The following CLIP3 variants were observed in gnomAD, a reference collection of about 807,000 sequenced individuals.
The protein encoded by CLIP3 is CAP-Gly domain-containing linker protein 3.
A neutral mutation model predicts 59.4 loss-of-function variants in CLIP3; 15 were observed. The ratio of observed to expected loss-of-function variants is 0.25; its 90% CI spans 0.17 to 0.39. CLIP3 has a LOEUF of 0.39. Among genes scored for constraint, CLIP3 ranks in the 10% least tolerant of loss-of-function variants. CLIP3 has a pLI of 1.00. For missense variants in CLIP3, 495 were observed against 765.7 expected (o/e 0.65, Z 4.17); for synonymous variants, 300 against 321.6 (o/e 0.93, Z 0.72).
Position 36,017,355 on chromosome 19 carries a change from A to T in CLIP3, c.1516+31T>A, listed in dbSNP as rs754482408. ...CCCTTCCTCCCATCCCCAAACGTAC[A>T]CTCCTCCCAACATATCATCCCCTAA... On this transcript the variant is annotated intron_variant, in intron 12 of 13. Transcript: ENST00000360535. 44 of 1,606,758 alleles carry T rather than the reference A, an allele frequency of 2.7e-5. 1 individual carries two copies. The highest frequency in any genetic ancestry group is 3.3e-4 in the Middle Eastern group (2 of 6,066).
chr19:36,027,862 CCT>C (rs1021854896), intron 2 of CLIP3, among the ~76,000 whole-genome samples: 1 of 151,406 alleles, frequency 6.6e-6, no homozygotes, highest in African/African-American at 2.4e-5. Flanking sequence ...TAGCAAGACC[CCT>C]GTCTTTACAA....
intron 7 of CLIP3, among the ~76,000 whole-genome samples, chr19:36,019,630 G>A (rs1434503819): frequency 1.7e-4 from 25 of 146,284 alleles, no homozygotes; most frequent in Middle Eastern, 3.6e-3. Flanking sequence ...TCGAGACAGC[G>A]TCTCACTCTG....
rs1969251111 is a variant in CLIP3 at position 36,031,024 on chromosome 19, T to TTTTTTTTTTTTTTTTTTTTTTTTTTTC, written c.166+1167_166+1168insGAAAAAAAAAAAAAAAAAAAAAAAAAA. Among the ~76,000 whole-genome samples the TTTTTTTTTTTTTTTTTTTTTTTTTTTC allele has an allele frequency of 9.5e-5, 7 of 73,574 alleles. No homozygotes were observed. The East Asian group carries it at 1.1e-3, about 12-fold the overall frequency. 48.3% of individuals were successfully genotyped at this position (73,574 alleles called of 152,430 possible). A position where few individuals can be genotyped will look rare whatever the true frequency, so the allele number is the denominator to read the frequency against. ...TTTTCTTTTCTTTTTTTTTTTTTTC[T>TTTTTTTTTTTTTTTTTTTTTTTTTTTC]TTTTTTTTTTTTTTTTTGAGACAGT... On this transcript the variant is annotated intron_variant, in intron 2 of 13. Transcript: ENST00000360535.
chr19:36,025,539 C>T (rs1462746526), intron 6 of CLIP3, among the ~76,000 whole-genome samples: 2 of 148,470 alleles, frequency 1.3e-5, no homozygotes, highest in African/African-American at 2.5e-5. Flanking sequence ...TGCAGTGAGC[C>T]GAGATTGCAC....
rs1420495184 is a variant in CLIP3, at chr19:36,017,452, T to C, written c.1452-2A>G. ...GGGGAATCAGTGGATCCGCCAATCC[T>C]GAGGAGACACGGGGAGGGGGAGAAG... On this transcript the variant is annotated splice_acceptor_variant, in intron 11 of 13. Transcript: ENST00000360535. LOFTEE classifies it high-confidence loss of function. 1 of 1,614,022 alleles carries C rather than the reference T, an allele frequency of 6.2e-7. No individual in the cohort carries two copies. The highest frequency in any genetic ancestry group is 1.7e-5 in the Admixed American group (1 of 60,008).
In CLIP3 at chr19:36,016,979, A is replaced by C; in HGVS notation, c.1517T>G (p.Met506Arg). The C allele has an allele frequency of 6.2e-7, 1 of 1,613,908 alleles. No individual in the cohort carries two copies. The highest frequency in any genetic ancestry group is 8.5e-7 in the Non-Finnish European group (1 of 1,179,906). ...GGTGAAGGTGCGTTTGGGCTGCGTCACTGAAGAGGAGGGCAGGATGTCAAG... is the reference window on the plus strand; with the variant it reads ...GGTGAAGGTGCGTTTGGGCTGCGTCCCTGAAGAGGAGGGCAGGATGTCAAG... ...VGAKKVHQVT[M>R]TQPKRTFTTV... The change falls in exon 13 of 14, where the codon ATG becomes AGG. Residue 506 changes from methionine to arginine, a missense_variant and splice_region_variant. By Grantham distance (91) the Met-to-Arg change is moderately conservative (BLOSUM62 -1). Transcript: ENST00000360535. This position sits in a 1 kb window ranked among gnomAD's most constrained non-coding sequence, Gnocchi z 4.1.
At position 36,032,164 on chromosome 19, in the gene CLIP3, C is replaced by G. The variant is rs762257868; in HGVS notation, c.166+28G>C. On this transcript the variant is annotated intron_variant, in intron 2 of 13. Transcript: ENST00000360535. The surrounding 1 kb of genome is among the most constrained non-coding windows in gnomAD (Gnocchi z 4.3). ...TCCCCGGCCACCCAACGCTCCAGGC[C>G]AGATTCCAGGGTGGGGACAGTGGTT... The G allele has an allele frequency of 2.4e-6, 3 of 1,225,982 alleles. No individual in the cohort carries two copies. Among genetic ancestry groups the G allele is most frequent in the Admixed American group, 8.2e-5 (2 of 24,356 alleles). The allele number at this position is 1,225,982 out of a possible 1,614,324, so 75.9% of individuals were successfully genotyped here. A position where few individuals can be genotyped will look rare whatever the true frequency, so the allele number is the denominator to read the frequency against.
Position 36,015,869 on chromosome 19 carries a change from G to A in CLIP3, c.*289C>T, listed in dbSNP as rs1427554835. The A allele has an allele frequency of 7.9e-6, 4 of 503,718 alleles. No individual in the cohort carries two copies. Among genetic ancestry groups the A allele is most frequent in the South Asian group, 4.7e-5 (2 of 42,328 alleles). The allele number at this position is 503,718 out of a possible 1,614,324, so 31.2% of individuals were successfully genotyped here. On this transcript the variant is annotated 3_prime_UTR_variant, in exon 14 of 14. Transcript: ENST00000360535. ...GTGGAGAGGGTCACCATCATTTGGG[G>A]TGATATGGAAATCTGTTAATCTGGG...
At chr19:36,028,996 CTTTTTTTTTTTT>C (rs71167588) in intron 2 of CLIP3, among the ~76,000 whole-genome samples, 11 of 65,212 alleles carry the variant, frequency 1.7e-4, no homozygotes, top group East Asian at 5.2e-4. Context: ...ATCTCCTACT[CTTTTTTTTTTTT>C]TTTTTTTTTT....
chr19:36,025,736 G>A (rs139267968), intron 6 of CLIP3, among the ~76,000 whole-genome samples: 84 of 152,324 alleles, frequency 5.5e-4, no homozygotes, highest in African/African-American at 2.0e-3. Flanking sequence ...GTGCCTGGAC[G>A]GCTGCAGGGT....
intron 6 of CLIP3, among the ~76,000 whole-genome samples, chr19:36,025,366 A>G (rs1001616869): frequency 6.6e-6 from 1 of 151,684 alleles, no homozygotes; most frequent in Admixed American, 6.6e-5. Flanking sequence ...CGAGGTGGGC[A>G]GATCACCTGA....
chr19:36,019,536 C>G (rs889818298), intron 7 of CLIP3, among the ~76,000 whole-genome samples: 1 of 152,014 alleles, frequency 6.6e-6, no homozygotes, highest in Non-Finnish European at 1.5e-5. Flanking sequence ...AAAGAGTTGC[C>G]CTGTCTCATA....
At chr19:36,030,843 CTT>C (rs898551361) in intron 2 of CLIP3, among the ~76,000 whole-genome samples, 2 of 152,164 alleles carry the variant, frequency 1.3e-5, no homozygotes, top group African/African-American at 4.8e-5. Flanking sequence ...CTGGAACACT[CTT>C]TTTCCAGCTC....
In CLIP3 at chr19:36,032,267, G is replaced by T; in HGVS notation, c.91C>A (p.Pro31Thr). 2 of 1,299,896 alleles carry T rather than the reference G, an allele frequency of 1.5e-6. No homozygotes were observed. The highest frequency in any genetic ancestry group is 2.7e-5 in the South Asian group (1 of 37,130). 80.5% of individuals were successfully genotyped at this position (1,299,896 alleles called of 1,614,324 possible). The change falls in exon 2 of 14, where the codon CCC (proline) becomes ACC (threonine). Residue 31 changes from proline to threonine, a missense_variant. Physicochemically the swap from Pro to Thr is conservative, Grantham distance 38 (BLOSUM62 -1). Transcript: ENST00000360535. The surrounding 1 kb of genome is among the most constrained non-coding windows in gnomAD (Gnocchi z 4.3). The part of the protein sequence containing the change: ...EEEDEPVPEA[P>T]SPTQERRQKP... ...TGCCGGCGCTCCTGGGTGGGGCTGG[G>T]GGCCTCGGGGACGGGTTCATCCTCC...
chr19:36,016,924 T>C lies in CLIP3; in HGVS notation c.1572A>G (p.Ser524=). The change falls in exon 13 of 14, where the codon TCA becomes TCG. Residue 524 remains serine (S), a synonymous_variant. Coordinates refer to ENST00000360535, the MANE Select transcript of CLIP3 (RefSeq NM_015526.3). The surrounding 1 kb of genome is among the most constrained non-coding windows in gnomAD (Gnocchi z 4.1). ...TTVRTPKDIA[S]ENSISRLLFC... ...CCACACACCTGGAAATGGAGTTCTC[T>C]GATGCAATGTCCTTTGGGGTCCGGA... 1.2e-6 allele frequency: 2 copies of C among 1,614,024 alleles called. No individual in the cohort carries two copies. Among genetic ancestry groups the C allele is most frequent in the Non-Finnish European group, 1.7e-6 (2 of 1,179,984 alleles).
intron 2 of CLIP3, among the ~76,000 whole-genome samples, chr19:36,029,010 T>A (rs1037911522): frequency 4.2e-5 from 6 of 141,896 alleles, no homozygotes; most frequent in Non-Finnish European, 9.2e-5. Context: ...TTTTTTTTTT[T>A]TTTTTTTTTT....
chr19:36,024,353 C>G (rs776633114), intron 7 of CLIP3, 43 bp downstream of exon 7: 83 of 1,494,918 alleles, frequency 5.6e-5, no homozygotes, highest in African/African-American at 6.9e-5. Context: ...GGGGCTGAGT[C>G]CCACCCCCAC....
At chr19:36,027,690 G>A (rs560552563) in intron 2 of CLIP3, among the ~76,000 whole-genome samples, 1 of 152,260 alleles carries the variant, frequency 6.6e-6, no homozygotes, top group East Asian at 1.9e-4. Context: ...CAGAAGTCCT[G>A]GTTTTTAATA....
At chr19:36,027,673 A>G (rs1599703304) in intron 2 of CLIP3, among the ~76,000 whole-genome samples, 1 of 152,204 alleles carries the variant, frequency 6.6e-6, no homozygotes, top group East Asian at 1.9e-4. Flanking sequence ...GCAAAAATAA[A>G]TAAAGCCAGA....
Sources: allele counts gnomAD v4.1 joint callset (sites outside exome capture counted in the v4.1 genomes callset), GRCh38; gene constraint gnomAD v4.1.1; non-coding constraint Gnocchi (gnomAD v3.1); transcripts MANE v1.5; gene names NCBI Gene and HGNC (gene_info 2026-07-23, HGNC 2026-07-21).